Variants in AMPH observed in about 807,000 individuals in gnomAD.
The protein encoded by AMPH is amphiphysin (Stiff-Mann syndrome with breast cancer 128kD autoantigen).
Under a neutral mutation model 99.1 loss-of-function variants are expected in AMPH, and 49 were observed. That is an observed-to-expected ratio of 0.49 (90% CI 0.39 to 0.63). The LOEUF (loss-of-function observed/expected upper bound fraction) is 0.63. Among genes scored for constraint, AMPH ranks in the 20% least tolerant of loss-of-function variants. AMPH has a pLI of 0.00. For missense variants in AMPH, 759 were observed against 863.4 expected, an observed-to-expected ratio of 0.88 and a Z score of 1.52; for synonymous variants, 314 against 317.3, an observed-to-expected ratio of 0.99 and a Z score of 0.11.
chr7:38,513,826 C>T (rs1789632860), intron 2 of AMPH, among the ~76,000 whole-genome samples: 1 of 152,208 alleles, frequency 6.6e-6, no homozygotes, highest in Non-Finnish European at 1.5e-5. Context: ...CCTGCCTACT[C>T]AAGGGAACAG....
At chr7:38,593,950 T>TG (rs1214324184) in intron 1 of AMPH, among the ~76,000 whole-genome samples, 1 of 152,126 alleles carries the variant, frequency 6.6e-6, no homozygotes, top group Non-Finnish European at 1.5e-5. Context: ...GATGAGGGCC[T>TG]GTAGGACATG....
intron 1 of AMPH, among the ~76,000 whole-genome samples, chr7:38,607,636 G>A (rs1793480007): frequency 6.6e-6 from 1 of 152,132 alleles, no homozygotes; most frequent in African/African-American, 2.4e-5. Flanking sequence ...TCTACTACTG[G>A]AAAATGGTTT....
chr7:38,600,918 G>A (rs74568227), intron 1 of AMPH, among the ~76,000 whole-genome samples: 6,605 of 152,270 alleles, frequency 0.043, 358 homozygotes, highest in African/African-American at 0.12. Flanking sequence ...TGCTGGCAGT[G>A]AGCCACAGAT....
At chr7:38,470,713 A>G (rs2129012402) in intron 7 of AMPH, among the ~76,000 whole-genome samples, 1 of 151,964 alleles carries the variant, frequency 6.6e-6, no homozygotes, top group South Asian at 2.1e-4. Flanking sequence ...TGACTCCCAA[A>G]CCTCTCTTCA....
At chr7:38,442,241 T>G (rs1250470542) in intron 11 of AMPH, among the ~76,000 whole-genome samples, 2 of 152,156 alleles carry the variant, frequency 1.3e-5, no homozygotes, top group Non-Finnish European at 1.5e-5. Context: ...CTTGTACCCC[T>G]GAACTTAAAA....
chr7:38,543,887 T>C (rs1790901403), intron 1 of AMPH, among the ~76,000 whole-genome samples: 1 of 152,098 alleles, frequency 6.6e-6, no homozygotes, highest in African/African-American at 2.4e-5. Context: ...CAAAGAATAC[T>C]GTTAAAGAAA....
chr7:38,541,053 T>C (rs969404730), intron 1 of AMPH, among the ~76,000 whole-genome samples: 5 of 119,622 alleles, frequency 4.2e-5, no homozygotes, highest in African/African-American at 1.6e-4. Context: ...GAAGAGCACA[T>C]AAAATAATGT....
chr7:38,562,197 G>GA (rs991320318), intron 1 of AMPH, among the ~76,000 whole-genome samples: 21 of 149,008 alleles, frequency 1.4e-4, no homozygotes, highest in South Asian at 4.2e-4. Flanking sequence ...GACAGAGAAA[G>GA]AAAAAAAAAT....
chr7:38,561,237 G>A (rs889640133), intron 1 of AMPH, among the ~76,000 whole-genome samples: 6 of 152,124 alleles, frequency 3.9e-5, no homozygotes, highest in Admixed American at 1.3e-4. Flanking sequence ...GTTGAATAAC[G>A]AACCACGAAG....
At chr7:38,583,125 A>G (rs1297001930) in intron 1 of AMPH, among the ~76,000 whole-genome samples, 1 of 152,246 alleles carries the variant, frequency 6.6e-6, no homozygotes, top group Non-Finnish European at 1.5e-5. Context: ...GATAATATGC[A>G]TCAGAGCTCC....
At chr7:38,429,678 A>G (rs1203533744) in intron 14 of AMPH, 164 bp downstream of exon 14, 4 of 1,306,448 alleles carry the variant, frequency 3.1e-6, no homozygotes, top group Non-Finnish European at 4.2e-6. Context: ...TCAGGCGAGT[A>G]GCACCAGTAA....
intron 1 of AMPH, among the ~76,000 whole-genome samples, chr7:38,566,076 T>C (rs58580109): frequency 0.55 from 84,114 of 151,980 alleles, 23,417 homozygotes; most frequent in East Asian, 0.7. Context: ...CTCCTTTCCC[T>C]TACTCTCTGT....
intron 17 of AMPH, among the ~76,000 whole-genome samples, chr7:38,399,045 T>C (rs934866061): frequency 6.6e-6 from 1 of 152,108 alleles, no homozygotes; most frequent in African/African-American, 2.4e-5. Flanking sequence ...TTAAGAATGA[T>C]AAATAAATAT....
chr7:38,503,638 C>T lies in AMPH; in HGVS notation c.205+12G>A. ...GCTAAGTAACATGCAGTAAACAACT[C>T]ATACACATTACCTTTGATTGCTGCT... On this transcript the variant is annotated intron_variant, in intron 3 of 20. Coordinates refer to ENST00000356264, the MANE Select transcript of AMPH (RefSeq NM_001635.4). 6.2e-7 allele frequency: 1 copy of T among 1,613,264 alleles called. No individual in the cohort carries two copies. The highest frequency in any genetic ancestry group is 8.5e-7 in the Non-Finnish European group (1 of 1,179,298).
intron 1 of AMPH, among the ~76,000 whole-genome samples, chr7:38,583,258 G>T (rs1368733095): frequency 6.6e-6 from 1 of 152,148 alleles, no homozygotes; most frequent in Admixed American, 6.5e-5. Flanking sequence ...CAGTGACTTT[G>T]GCAACATACT....
intron 1 of AMPH, among the ~76,000 whole-genome samples, chr7:38,600,449 C>T (rs1374111959): frequency 2.0e-5 from 3 of 152,024 alleles, no homozygotes; most frequent in African/African-American, 7.3e-5. Context: ...CTCTGATGTT[C>T]TCGTAAGATT....
At chr7:38,452,301 C>A (rs1034865141) in intron 11 of AMPH, among the ~76,000 whole-genome samples, 1 of 152,178 alleles carries the variant, frequency 6.6e-6, no homozygotes. Flanking sequence ...GACGGATCAT[C>A]CTATATTGCT....
chr7:38,553,119 GAGACCTCTC>G (rs1374820732), intron 1 of AMPH, among the ~76,000 whole-genome samples: 1 of 152,182 alleles, frequency 6.6e-6, no homozygotes, highest in African/African-American at 2.4e-5. Context: ...TACCTGTCTG[GAGACCTCTC>G]CTTTATGACT....
At chr7:38,559,488 AG>A (rs1280177925) in intron 1 of AMPH, among the ~76,000 whole-genome samples, 2 of 152,178 alleles carry the variant, frequency 1.3e-5, no homozygotes, top group Non-Finnish European at 2.9e-5. Context: ...CACTGACAAT[AG>A]GCTCACATGA....
Sources: allele counts gnomAD v4.1 joint callset (sites outside exome capture counted in the v4.1 genomes callset), GRCh38; gene constraint gnomAD v4.1.1; transcripts MANE v1.5; gene names NCBI Gene and HGNC (gene_info 2026-07-23, HGNC 2026-07-21).